The following ZNF239 variants were observed in gnomAD, a reference collection of about 807,000 sequenced individuals.
ZNF239 encodes the protein zinc finger protein 239.
A neutral mutation model predicts 27.5 loss-of-function variants in ZNF239; 16 were observed. That is an observed-to-expected ratio of 0.58 (90% CI 0.39 to 0.88). The LOEUF (loss-of-function observed/expected upper bound fraction) is 0.88, where lower values mean the gene tolerates loss of function less well. Ranked by LOEUF, ZNF239 falls within the 40% of genes least tolerant of loss-of-function variation. The pLI is 0.00. For synonymous variants in ZNF239, 199 were observed against 192.6 expected (o/e 1.03, Z -0.27); for missense variants, 527 against 551.9 (o/e 0.95, Z 0.45).
At chr10:43,568,430 T>C (rs1274717748) in intron 2 of ZNF239, 4 of 985,342 alleles carry the variant, frequency 4.1e-6, no homozygotes, top group Non-Finnish European at 4.8e-6. Flanking sequence ...CCACATTTCA[T>C]CAAACTGTAA....
At chr10:43,571,333 A>T (rs1838021929) in intron 2 of ZNF239, among the ~76,000 whole-genome samples, 1 of 150,246 alleles carries the variant, frequency 6.7e-6, no homozygotes, top group Non-Finnish European at 1.5e-5. Flanking sequence ...TCAACACATT[A>T]CACTTGAGTC....
At chr10:43,568,238 A>G (rs1837810545) in intron 2 of ZNF239, 2 of 985,346 alleles carry the variant, frequency 2.0e-6, no homozygotes, top group Admixed American at 6.1e-5. Context: ...TGCCCACAAC[A>G]TATCTACGCT....
chr10:43,565,624 G>C (rs983241113), intron 3 of ZNF239, among the ~76,000 whole-genome samples: 8 of 151,760 alleles, frequency 5.3e-5, no homozygotes. Context: ...GACCAGCCTG[G>C]CTAACATGGT....
Position 43,557,362 on chromosome 10 carries a change from A to C in ZNF239, c.718T>G (p.Cys240Gly). Reference sequence around the variant, plus strand: ...GAGCTCCTTGTGAAGCCCTTCCCACATTGCTCACATTTGTAGGGTTTTTCT... The same window carrying C: ...GAGCTCCTTGTGAAGCCCTTCCCACCTTGCTCACATTTGTAGGGTTTTTCT... The part of the protein sequence containing the change: ...TEEKPYKCEQ[C>G]GKGFTRSSSL... The change falls in exon 4 of 4, where the codon TGT becomes GGT. Residue 240 changes from cysteine to glycine, a missense_variant. Coordinates refer to ENST00000374446, the MANE Select transcript of ZNF239 (RefSeq NM_001099282.2). 1 of 1,614,186 alleles carries C rather than the reference A, an allele frequency of 6.2e-7. No individual in the cohort carries two copies.
Position 43,558,028 on chromosome 10 carries a change from C to T in ZNF239, c.52G>A (p.Glu18Lys). ...SQDCIVNHRG[E>K]VDGEPELDIS... The stretch of plus-strand genomic sequence containing the variant: ...TCTAGTTCAGGCTCCCCATCCACTT[C>T]CCCTCGATGATTCACAATACAATCC... The change falls in exon 4 of 4, where the codon GAA becomes AAA. Residue 18 changes from glutamate (E) to lysine (K), a missense_variant. By Grantham distance (56) the Glu-to-Lys change is moderately conservative. Coordinates refer to ENST00000374446, the MANE Select transcript of ZNF239 (RefSeq NM_001099282.2). 6.2e-7 allele frequency: 1 copy of T among 1,614,170 alleles called. No individual in the cohort carries two copies. Among genetic ancestry groups the T allele is most frequent in the South Asian group, 1.1e-5 (1 of 91,086 alleles).
chr10:43,560,041 T>G (rs968557891), intron 3 of ZNF239, among the ~76,000 whole-genome samples: 2 of 152,214 alleles, frequency 1.3e-5, no homozygotes, highest in African/African-American at 4.8e-5. Flanking sequence ...AATGATAAAG[T>G]AAGACATTTC....
intron 2 of ZNF239, chr10:43,570,588 A>T: frequency 1.0e-6 from 1 of 984,858 alleles, no homozygotes; most frequent in South Asian, 4.7e-5. Flanking sequence ...TCTTCCATTC[A>T]GTTGTCTGGA....
chr10:43,556,380 T>A lies in ZNF239; in HGVS notation c.*323A>T, dbSNP rs1167736452. 2.4e-5 allele frequency: 6 copies of A among 249,010 alleles called. No homozygotes were observed. The highest frequency in any genetic ancestry group is 4.6e-5 in the Non-Finnish European group (6 of 129,092). 15.4% of individuals were successfully genotyped at this position (249,010 alleles called of 1,614,324 possible). A position where few individuals can be genotyped will look rare whatever the true frequency, so the allele number is the denominator to read the frequency against. Reference sequence around the variant, plus strand: ...ACCAGAGTTTCAATTTCTCAGAGAATGTGAACAAAGGGAAACATGCCCTGC... The same window carrying A: ...ACCAGAGTTTCAATTTCTCAGAGAAAGTGAACAAAGGGAAACATGCCCTGC... On this transcript the variant is annotated 3_prime_UTR_variant, in exon 4 of 4. Coordinates refer to ENST00000374446, the MANE Select transcript of ZNF239 (RefSeq NM_001099282.2).
At chr10:43,564,745 T>C (rs1399887395) in intron 3 of ZNF239, among the ~76,000 whole-genome samples, 1 of 151,806 alleles carries the variant, frequency 6.6e-6, no homozygotes, top group African/African-American at 2.4e-5. Flanking sequence ...CCCAGGCTGG[T>C]CTCCAACTCC....
chr10:43,566,495 A>G lies in ZNF239; in HGVS notation c.-93+1404T>C, dbSNP rs544120252. On this transcript the variant is annotated intron_variant, in intron 3 of 3. Transcript: ENST00000374446. ...GAGACAGGGTTTCGCTGTGTTGCCC[A>G]GGCTGGTCTCAAACTCATGAGCTCA... Among the ~76,000 whole-genome samples, 6 of 152,322 alleles carry G rather than the reference A, an allele frequency of 3.9e-5. No individual in the cohort carries two copies. The South Asian group carries it at 1.2e-3, about 32-fold the overall frequency.
In ZNF239 at chr10:43,557,154, T is replaced by TG; in HGVS notation, c.925dup (p.His309ProfsTer12). 1 of 1,613,866 alleles carries TG rather than the reference T, an allele frequency of 6.2e-7. No homozygotes were observed. Among genetic ancestry groups the TG allele is most frequent in the Non-Finnish European group, 8.5e-7 (1 of 1,179,850 alleles). On this transcript the variant is annotated frameshift_variant, in exon 4 of 4. Coordinates refer to ENST00000374446, the MANE Select transcript of ZNF239 (RefSeq NM_001099282.2). LOFTEE classifies it high-confidence loss of function. ...CTTCTCTCCAGTGTGGACTCGCTGG[T>TG]GGATGTGCAGTTTGGAGCTCTGACT...
At chr10:43,568,175 A>G (rs1388385692) in intron 2 of ZNF239, 154 bp from the exon 3 acceptor site, 3 of 985,334 alleles carry the variant, frequency 3.0e-6, no homozygotes, top group Non-Finnish European at 3.6e-6. Flanking sequence ...TTTTGTTGGA[A>G]AGTCTTTCCT....
chr10:43,560,940 A>C (rs1837200990), intron 3 of ZNF239, among the ~76,000 whole-genome samples: 1 of 152,342 alleles, frequency 6.6e-6, no homozygotes, highest in South Asian at 2.1e-4. Flanking sequence ...ACATATTGCT[A>C]TGAAAAATAA....
intron 2 of ZNF239, among the ~76,000 whole-genome samples, chr10:43,571,226 G>A (rs1838012931): frequency 6.6e-6 from 1 of 150,702 alleles, no homozygotes; most frequent in Admixed American, 6.6e-5. Flanking sequence ...CCATCATGTG[G>A]CCTTCCACTT....
chr10:43,573,076 CAG>C (rs975980722), intron 2 of ZNF239, among the ~76,000 whole-genome samples: 4 of 152,156 alleles, frequency 2.6e-5, no homozygotes, highest in African/African-American at 9.7e-5. Flanking sequence ...AAAAACACCA[CAG>C]AGAGTTCTGA....
intron 3 of ZNF239, among the ~76,000 whole-genome samples, chr10:43,559,437 C>G (rs1042972166): frequency 6.6e-6 from 1 of 152,118 alleles, no homozygotes; most frequent in Admixed American, 6.5e-5. Context: ...AGGCACCAAG[C>G]CTGTTCCTTG....
At chr10:43,571,933 T>G (rs1838058985) in intron 2 of ZNF239, among the ~76,000 whole-genome samples, 1 of 152,116 alleles carries the variant, frequency 6.6e-6, no homozygotes, top group Admixed American at 6.6e-5. Context: ...TCACATTCAA[T>G]TTAAATGAAT....
At chr10:43,563,779 C>T (rs1477433098) in intron 3 of ZNF239, among the ~76,000 whole-genome samples, 1 of 152,114 alleles carries the variant, frequency 6.6e-6, no homozygotes, top group East Asian at 1.9e-4. Flanking sequence ...GATACAATGG[C>T]TGCCCACTGA....
intron 3 of ZNF239, among the ~76,000 whole-genome samples, chr10:43,566,995 G>C (rs1283572946): frequency 6.6e-6 from 1 of 152,156 alleles, no homozygotes; most frequent in Non-Finnish European, 1.5e-5. Flanking sequence ...TCCAGAGGCC[G>C]AGGCAGGAGA....
Sources: gnomAD v4.1 joint callset for allele counts (sites outside exome capture counted in the v4.1 genomes callset) on GRCh38, gnomAD v4.1.1 for gene constraint, MANE v1.5 for transcripts, NCBI Gene and HGNC (gene_info 2026-07-23, HGNC 2026-07-21) for gene names.